The following RSPRY1 variants were observed in gnomAD, a reference collection of about 807,000 sequenced individuals.
The protein encoded by RSPRY1 is RING finger and SPRY domain-containing protein 1.
A neutral mutation model predicts 73.1 loss-of-function variants in RSPRY1; 23 were observed. That is an observed-to-expected ratio of 0.31 (90% CI 0.23 to 0.45). The LOEUF is 0.45. RSPRY1 is among the 20% of genes least tolerant of loss of function. The pLI is 1.00. For missense variants in RSPRY1, 448 were observed against 698.7 expected, an observed-to-expected ratio of 0.64 and a Z score of 4.05; for synonymous variants, 226 against 251.4, an observed-to-expected ratio of 0.90 and a Z score of 0.95.
chr16:57,199,895 G>GTTTTTTTTTTGTTT (rs2074530206), intron 1 of RSPRY1, among the ~76,000 whole-genome samples: 1 of 106,254 alleles, frequency 9.4e-6, no homozygotes, highest in African/African-American at 3.6e-5. Flanking sequence ...TTTTTTGTTT[G>GTTTTTTTTTTGTTT]TTTTTTTTTT....
chr16:57,224,351 T>G (rs1311678349), intron 10 of RSPRY1: 1 of 152,222 alleles, frequency 6.6e-6, no homozygotes, highest in East Asian at 1.9e-4. Flanking sequence ...TCTTCATACA[T>G]TTCCCTTAAC....
chr16:57,186,186 G>C (rs975108645), upstream of RSPRY1: 33 of 985,692 alleles, frequency 3.3e-5, no homozygotes, highest in African/African-American at 5.6e-4. Flanking sequence ...GCCAGTCTGC[G>C]CCTGGAGGGC....
At chr16:57,214,023 T>C (rs2074894503) in intron 6 of RSPRY1, 77 bp downstream of exon 6, 7 of 976,064 alleles carry the variant, frequency 7.2e-6, no homozygotes, top group Non-Finnish European at 1.2e-5. Context: ...TTTTCTCAAA[T>C]TGCTGGCATA....
At chr16:57,202,064 G>A (rs2074627393) in intron 1 of RSPRY1, among the ~76,000 whole-genome samples, 1 of 152,232 alleles carries the variant, frequency 6.6e-6, no homozygotes, top group South Asian at 2.1e-4. Flanking sequence ...GCTCACACCC[G>A]TAATCCCAAT....
At chr16:57,236,687 G>A (rs1460742748) in intron 14 of RSPRY1, among the ~76,000 whole-genome samples, 2 of 152,238 alleles carry the variant, frequency 1.3e-5, no homozygotes, top group Non-Finnish European at 1.5e-5. Context: ...CCAAACCATA[G>A]AGAAAGTAGG....
Position 57,239,290 on chromosome 16 carries a change from T to C in RSPRY1, c.*315T>C, listed in dbSNP as rs1475319854. On this transcript the variant is annotated 3_prime_UTR_variant, in exon 15 of 15. Transcript: ENST00000394420. ...GAAATCACACTGGAATCCCCCTTGT[T>C]GGGTTCATTTGATTGTTTAACACAG... 4.7e-5 allele frequency: 8 copies of C among 169,112 alleles called. No individual in the cohort carries two copies. Among genetic ancestry groups the C allele is most frequent in the Admixed American group, 2.5e-4 (4 of 15,816 alleles). 10.5% of individuals were successfully genotyped at this position (169,112 alleles called of 1,614,324 possible).
In RSPRY1 at chr16:57,216,183, G is replaced by C; in HGVS notation, c.769+10G>C. ...AAGTTTGCACAGACAAGTAGGTATA[G>C]TGACTTCTTGCACTAATGATCTTCT... On this transcript the variant is annotated intron_variant, in intron 7 of 14. Transcript: ENST00000394420. 1 of 1,591,698 alleles carries C rather than the reference G, an allele frequency of 6.3e-7. No individual in the cohort carries two copies.
chr16:57,238,805 A>G, intron 14 of RSPRY1, 74 bp from the exon 15 acceptor site: 1 of 732,324 alleles, frequency 1.4e-6, no homozygotes, highest in Non-Finnish European at 2.2e-6. Context: ...AACATTTTTG[A>G]TTTAGTTGGC....
chr16:57,204,069 A>G (rs528042192), intron 1 of RSPRY1, among the ~76,000 whole-genome samples: 10 of 152,280 alleles, frequency 6.6e-5, no homozygotes, highest in African/African-American at 1.7e-4. Flanking sequence ...AAATTATCCT[A>G]TGGGTTTAAA....
chr16:57,229,498 A>G (rs2075173777), intron 11 of RSPRY1, among the ~76,000 whole-genome samples: 1 of 151,812 alleles, frequency 6.6e-6, no homozygotes, highest in Non-Finnish European at 1.5e-5. Context: ...ACGTGCCTGT[A>G]GTCCTAGTTA....
chr16:57,202,125 A>G (rs1416636482), intron 1 of RSPRY1, among the ~76,000 whole-genome samples: 1 of 152,096 alleles, frequency 6.6e-6, no homozygotes, highest in Non-Finnish European at 1.5e-5. Context: ...GTTCAAAACC[A>G]GTCTGGGGAA....
At position 57,226,082 on chromosome 16, in the gene RSPRY1, G is replaced by GA. The variant is rs200661536; in HGVS notation, c.1162-1251dup. Reference sequence around the variant, plus strand: ...AACAAGAGTGAAACTCCATCTCAAAGAAAAAAAAAGAAGAAACTGCCAAGG... The same window carrying GA: ...AACAAGAGTGAAACTCCATCTCAAAGAAAAAAAAAAGAAGAAACTGCCAAGG... On this transcript the variant is annotated intron_variant, in intron 10 of 14. Transcript: ENST00000394420. Among the ~76,000 whole-genome samples, 1,117 of 150,546 alleles carry GA rather than the reference G, an allele frequency of 7.4e-3. 24 individuals carry two copies. In the East Asian group the frequency reaches 0.081, roughly 11 times the overall value.
At chr16:57,191,247 C>G (rs1417414939) in intron 1 of RSPRY1, among the ~76,000 whole-genome samples, 1 of 152,154 alleles carries the variant, frequency 6.6e-6, no homozygotes, top group African/African-American at 2.4e-5. Flanking sequence ...TGCCCAGTCC[C>G]TCCACATGGG....
At chr16:57,231,466 A>C (rs2075218856) in intron 13 of RSPRY1, 147 bp downstream of exon 13, 1 of 777,012 alleles carries the variant, frequency 1.3e-6, no homozygotes, top group African/African-American at 1.8e-5. Flanking sequence ...ATAAATTTCT[A>C]AGATCGCAGA....
chr16:57,222,995 T>G (rs1223783655), intron 10 of RSPRY1, among the ~76,000 whole-genome samples: 7 of 141,624 alleles, frequency 4.9e-5, no homozygotes, highest in African/African-American at 1.5e-4. Flanking sequence ...TTAAATACTG[T>G]TTTTTTATCC....
chr16:57,220,646 C>T (rs1228233442), intron 8 of RSPRY1, 86 bp from the exon 9 acceptor site: 2 of 755,688 alleles, frequency 2.6e-6, no homozygotes, highest in Non-Finnish European at 4.6e-6. Context: ...ATTTCTTCCT[C>T]TTGTCTGATT....
At chr16:57,208,302 C>CTTT (rs34138044) in intron 3 of RSPRY1, among the ~76,000 whole-genome samples, 192 bp downstream of exon 3, 97 of 79,158 alleles carry the variant, frequency 1.2e-3, no homozygotes, top group African/African-American at 4.6e-3. Flanking sequence ...CATATTATAC[C>CTTT]TTTTTTTTTT....
At chr16:57,200,656 G>A (rs1362390106) in intron 1 of RSPRY1, among the ~76,000 whole-genome samples, 3 of 108,860 alleles carry the variant, frequency 2.8e-5, no homozygotes, top group Non-Finnish European at 5.8e-5. Flanking sequence ...CTGGCCGGGC[G>A]GGGGGCTGAC....
At chr16:57,187,339 G>C (rs2074242226) in intron 1 of RSPRY1, among the ~76,000 whole-genome samples, 1 of 152,294 alleles carries the variant, frequency 6.6e-6, no homozygotes, top group South Asian at 2.1e-4. Flanking sequence ...GACTGAGACC[G>C]AGGCGGTCGG....
Sources: gnomAD v4.1 joint callset for allele counts (sites outside exome capture counted in the v4.1 genomes callset) on GRCh38, gnomAD v4.1.1 for gene constraint, MANE v1.5 for transcripts, NCBI Gene and HGNC (gene_info 2026-07-23, HGNC 2026-07-21) for gene names.